Variants in GMDS observed in about 807,000 individuals in gnomAD.
The protein encoded by GMDS is GDP-mannose 4,6-dehydratase, also known as GDP-mannose 4,6 dehydratase.
In GMDS, 20 loss-of-function variants were observed where a neutral mutation model predicts 49.9. The observed-to-expected ratio is 0.40, with a 90% CI of 0.28 to 0.58. GMDS has a LOEUF of 0.58. Among genes scored for constraint, GMDS ranks in the 20% least tolerant of loss-of-function variants. GMDS has a pLI of 0.42. For synonymous variants in GMDS, 177 were observed against 178.6 expected, an observed-to-expected ratio of 0.99 and a Z score of 0.07; for missense variants, 362 against 481.4, an observed-to-expected ratio of 0.75 and a Z score of 2.32.
At chr6:1,674,560 CTTTTTTTT>C (rs869292549) in intron 9 of GMDS, among the ~76,000 whole-genome samples, 6 of 73,454 alleles carry the variant, frequency 8.2e-5, no homozygotes, top group East Asian at 5.4e-4. Context: ...CTCTCTCTCT[CTTTTTTTT>C]TTTTTTTTTT....
intron 9 of GMDS, among the ~76,000 whole-genome samples, chr6:1,634,101 A>G (rs1763074364): frequency 6.6e-6 from 1 of 152,190 alleles, no homozygotes; most frequent in African/African-American, 2.4e-5. Flanking sequence ...TCCCCTGGAA[A>G]ATCTGCCACT....
At chr6:1,824,250 T>G (rs1181668078) in intron 7 of GMDS, among the ~76,000 whole-genome samples, 1 of 152,100 alleles carries the variant, frequency 6.6e-6, no homozygotes. Context: ...TTCCAGGGGC[T>G]GCAATTCTTG....
chr6:1,787,223 T>C (rs1401334838), intron 7 of GMDS, among the ~76,000 whole-genome samples: 5 of 152,154 alleles, frequency 3.3e-5, no homozygotes, highest in African/African-American at 1.2e-4. Flanking sequence ...AAAAGCACTG[T>C]GAGGTCAGAA....
At position 1,882,360 on chromosome 6, in the gene GMDS, T is replaced by C. The variant is rs191278432; in HGVS notation, c.771+47743A>G. On this transcript the variant is annotated intron_variant, in intron 7 of 10. Coordinates refer to ENST00000380815, the MANE Select transcript of GMDS (RefSeq NM_001500.4). ...CAAATATTGGTTAAAATTCCCAGTT[T>C]AGTTGAGCATGCACAAGGATATATG... 4.9e-3 allele frequency among the ~76,000 whole-genome samples: 747 copies of C among 152,342 alleles called. 6 individuals carry two copies. The highest frequency in any genetic ancestry group is 0.016 in the African/African-American group (658 of 41,574).
intron 7 of GMDS, among the ~76,000 whole-genome samples, chr6:1,759,047 A>T (rs1471555267): frequency 2.0e-5 from 3 of 152,140 alleles, no homozygotes; most frequent in Non-Finnish European, 4.4e-5. Flanking sequence ...CTCAGCCTCT[A>T]GAGTAGCTGG....
intron 7 of GMDS, among the ~76,000 whole-genome samples, chr6:1,927,346 C>T (rs897680709): frequency 2.0e-5 from 3 of 149,652 alleles, no homozygotes; most frequent in Non-Finnish European, 3.0e-5. Flanking sequence ...CGGAGGGTAG[C>T]GTGTTGGTGT....
rs1049142696 is a variant in GMDS at position 1,742,469 on chromosome 6, C to T, written c.889G>A (p.Val297Met). Residue 297 changes from valine to methionine, a missense_variant and splice_region_variant, in exon 8 of 11, where the codon GTG (valine) becomes ATG (methionine). By Grantham distance (21) the Val-to-Met change is conservative. Transcript: ENST00000380815. Reference protein sequence around the residue: ...KSFLHIGKTIVWEGKNENEVG... With the variant: ...KSFLHIGKTIMWEGKNENEVG... ...TAGTCATTTCTCAGGTATACTTACA[C>T]AATGGTTTTTCCAATGTGCAAGAAT... The T allele has an allele frequency of 9.0e-6, 14 of 1,552,292 alleles. No homozygotes were observed. The African/African-American group carries it at 1.8e-4, about 20-fold the overall frequency.
Position 2,030,721 on chromosome 6 carries a change from T to A in GMDS, c.346-69755A>T, listed in dbSNP as rs191953253. On this transcript the variant is annotated intron_variant, in intron 4 of 10. Coordinates refer to ENST00000380815, the MANE Select transcript of GMDS (RefSeq NM_001500.4). Reference sequence around the variant, plus strand: ...AGTAGTACAGTTGACAAACTATGCATTGGCTCCAAACAAGGCCGTGTGCGC... The same window carrying A: ...AGTAGTACAGTTGACAAACTATGCAATGGCTCCAAACAAGGCCGTGTGCGC... Among the ~76,000 whole-genome samples, 430 of 152,298 alleles carry A rather than the reference T, an allele frequency of 2.8e-3. 4 individuals carry two copies. Among genetic ancestry groups the A allele is most frequent in the African/African-American group, 0.01 (417 of 41,566 alleles).
At chr6:1,655,496 TACACAC>T (rs70989195) in intron 9 of GMDS, among the ~76,000 whole-genome samples, 2 of 53,540 alleles carry the variant, frequency 3.7e-5, no homozygotes, top group African/African-American at 7.9e-5. Context: ...CACACACACA[TACACAC>T]ACACACACAC....
intron 1 of GMDS, among the ~76,000 whole-genome samples, chr6:2,134,731 T>C (rs554018193): frequency 2.4e-5 from 3 of 124,898 alleles, no homozygotes; most frequent in Non-Finnish European, 4.4e-5. Flanking sequence ...ATTTGAGTCA[T>C]ATAGTTAAGT....
At chr6:1,754,612 C>T (rs1581142662) in intron 7 of GMDS, among the ~76,000 whole-genome samples, 2 of 152,260 alleles carry the variant, frequency 1.3e-5, no homozygotes, top group South Asian at 2.1e-4. Flanking sequence ...TGATGAACAT[C>T]GATGTGAAAA....
rs144551385 is a variant in GMDS at position 1,700,410 on chromosome 6, A to T, written c.987+26006T>A. ...CTGTTCAGATTAAATACAGCTCCTC[A>T]GTACCACTGAAAGCAGGAGGGAAGG... On this transcript the variant is annotated intron_variant, in intron 9 of 10. Coordinates refer to ENST00000380815, the MANE Select transcript of GMDS (RefSeq NM_001500.4). Among the ~76,000 whole-genome samples the T allele has an allele frequency of 5.2e-4, 79 of 152,308 alleles. No homozygotes were observed. The East Asian group carries it at 0.013, about 25-fold the overall frequency.
rs11967513 is a variant in GMDS, at chr6:1,730,527, C to A, written c.891-4015G>T. 6.4e-3 allele frequency among the ~76,000 whole-genome samples: 970 copies of A among 152,320 alleles called. 12 individuals carry two copies. Among genetic ancestry groups the A allele is most frequent in the African/African-American group, 0.022 (924 of 41,568 alleles). On this transcript the variant is annotated intron_variant, in intron 8 of 10. Coordinates refer to ENST00000380815, the MANE Select transcript of GMDS (RefSeq NM_001500.4). ...ATTCCCTCCCCGACACTCACTGCCT[C>A]ACCCTCCCTGAGGTAGAAGGTGGCT...
chr6:2,138,793 C>T (rs536480160), intron 1 of GMDS, among the ~76,000 whole-genome samples: 109 of 152,272 alleles, frequency 7.2e-4, no homozygotes, highest in African/African-American at 2.1e-3. Flanking sequence ...TGAGAAAAAA[C>T]TTCTCATCAA....
intron 7 of GMDS, among the ~76,000 whole-genome samples, chr6:1,878,837 T>C (rs941298383): frequency 6.6e-5 from 10 of 152,158 alleles, no homozygotes; most frequent in African/African-American, 1.9e-4. Flanking sequence ...AGCAGATACA[T>C]ACTGAAAAAA....
rs1411292011 is a variant in GMDS, at chr6:2,191,528, C to T, written c.102+53793G>A. ...ACTCTTGGGGGCCCTGGAAGGCCCC[C>T]GCCTTGCCCTTGCAGGCTCGGAGGT... On this transcript the variant is annotated intron_variant, in intron 1 of 10. Transcript: ENST00000380815. This position sits in a 1 kb window ranked among gnomAD's most constrained non-coding sequence, Gnocchi z 4.6. 5.3e-5 allele frequency among the ~76,000 whole-genome samples: 8 copies of T among 152,236 alleles called. No homozygotes were observed. Among genetic ancestry groups the T allele is most frequent in the Non-Finnish European group, 1.0e-4 (7 of 68,032 alleles).
At chr6:1,663,890 C>T (rs1383494638) in intron 9 of GMDS, among the ~76,000 whole-genome samples, 3 of 152,018 alleles carry the variant, frequency 2.0e-5, no homozygotes, top group Non-Finnish European at 4.4e-5. Context: ...TGGTCTGTGC[C>T]CTCCTGTATG....
chr6:1,793,686 G>A (rs1329559656), intron 7 of GMDS, among the ~76,000 whole-genome samples: 1 of 152,160 alleles, frequency 6.6e-6, no homozygotes, highest in African/African-American at 2.4e-5. Context: ...CCACGTAGAG[G>A]AAAATTACTA....
At chr6:1,961,082 A>G (rs1164479014) in intron 4 of GMDS, 116 bp from the exon 5 acceptor site, 1 of 524,088 alleles carries the variant, frequency 1.9e-6, no homozygotes, top group East Asian at 2.8e-5. Context: ...AGAAAATATT[A>G]TTTTCTAACA....
Sources: allele counts gnomAD v4.1 joint callset (sites outside exome capture counted in the v4.1 genomes callset), GRCh38; gene constraint gnomAD v4.1.1; non-coding constraint Gnocchi (gnomAD v3.1); transcripts MANE v1.5; gene names NCBI Gene and HGNC (gene_info 2026-07-23, HGNC 2026-07-21).